The following MYCT1 variants were observed in gnomAD, a reference collection of about 807,000 sequenced individuals.
The protein encoded by MYCT1 is MYC target 1, also known as myc target protein 1.
A neutral mutation model predicts 15.0 loss-of-function variants in MYCT1; 12 were observed. That is an observed-to-expected ratio of 0.80 (90% CI 0.51 to 1.29). The LOEUF is 1.29. Ranked by LOEUF, MYCT1 falls within the 50% of genes most tolerant of loss-of-function variation. The probability of loss-of-function intolerance (pLI) is 0.00; values close to 1 mark genes in which losing one functional copy is unlikely to be tolerated. For missense variants in MYCT1, 287 were observed against 279.1 expected (o/e 1.03, Z -0.20); for synonymous variants, 104 against 102.7 (o/e 1.01, Z -0.07).
chr6:152,709,239 T>C (rs1420214234), intron 1 of MYCT1, among the ~76,000 whole-genome samples: 7 of 33,564 alleles, frequency 2.1e-4, no homozygotes, highest in African/African-American at 4.8e-4. Flanking sequence ...TGTGCCACAT[T>C]TTCTTAATCC....
intron 1 of MYCT1, among the ~76,000 whole-genome samples, chr6:152,707,944 C>G (rs1337299149): frequency 6.6e-6 from 1 of 151,922 alleles, no homozygotes; most frequent in Non-Finnish European, 1.5e-5. Context: ...ATGCTTCCAG[C>G]TTTGCTTTTA....
downstream of MYCT1, among the ~76,000 whole-genome samples, chr6:152,728,164 GAAAAAAAA>G (rs5881002): frequency 7.0e-6 from 1 of 143,478 alleles, no homozygotes; most frequent in Non-Finnish European, 1.5e-5. Context: ...CCTCTGTCTG[GAAAAAAAA>G]AAAAAAGGAA....
chr6:152,731,534 C>T, the MYCT1 span, among the ~76,000 whole-genome samples: 2 of 152,224 alleles, frequency 1.3e-5, no homozygotes, highest in South Asian at 4.1e-4. Context: ...CGCTATCCCA[C>T]GACAGGCCCT....
At chr6:152,708,695 CT>C (rs1350602531) in intron 1 of MYCT1, among the ~76,000 whole-genome samples, 2 of 151,874 alleles carry the variant, frequency 1.3e-5, no homozygotes, top group African/African-American at 4.8e-5. Context: ...GGAAAAGAGT[CT>C]TCTATATTTA....
chr6:152,721,630 G>A (rs1298663505), intron 1 of MYCT1, 112 bp from the exon 2 acceptor site: 3 of 1,004,956 alleles, frequency 3.0e-6, no homozygotes, highest in Non-Finnish European at 4.3e-6. Flanking sequence ...CTAATTCAAA[G>A]TATGTTTAAA....
chr6:152,725,096 G>A (rs186690335), downstream of MYCT1, among the ~76,000 whole-genome samples: 1 of 133,166 alleles, frequency 7.5e-6, no homozygotes, highest in South Asian at 2.3e-4. Context: ...AAATTACAAA[G>A]GAAAATATTA....
the MYCT1 span, among the ~76,000 whole-genome samples, chr6:152,740,033 G>T: frequency 6.6e-6 from 1 of 151,824 alleles, no homozygotes; most frequent in Non-Finnish European, 1.5e-5. Context: ...TATGTATATT[G>T]TTATTGTTAT....
At chr6:152,746,981 G>T in the MYCT1 span, among the ~76,000 whole-genome samples, 2 of 151,860 alleles carry the variant, frequency 1.3e-5, no homozygotes, top group East Asian at 3.8e-4. Flanking sequence ...TTTAGATTCC[G>T]AAATGAATTC....
At chr6:152,720,144 G>T (rs1469710967) in intron 1 of MYCT1, among the ~76,000 whole-genome samples, 1 of 151,774 alleles carries the variant, frequency 6.6e-6, no homozygotes, top group Non-Finnish European at 1.5e-5. Context: ...ATATGTCCAG[G>T]TTAGCAGGCT....
chr6:152,731,821 C>G, the MYCT1 span, among the ~76,000 whole-genome samples: 22 of 150,726 alleles, frequency 1.5e-4, no homozygotes, highest in Admixed American at 5.3e-4. Flanking sequence ...GATATCAGCT[C>G]GCTGCTACCT....
chr6:152,702,859 T>C (rs2099721570), intron 1 of MYCT1, among the ~76,000 whole-genome samples: 1 of 152,242 alleles, frequency 6.6e-6, no homozygotes, highest in South Asian at 2.1e-4. Flanking sequence ...TACAAATGCT[T>C]GTCTTCAAAA....
In MYCT1 at chr6:152,720,869, C is replaced by T. The variant is rs146089627; in HGVS notation, c.197-873C>T. 5.3e-3 allele frequency among the ~76,000 whole-genome samples: 812 copies of T among 152,184 alleles called. 4 individuals are homozygous for T. Among genetic ancestry groups the T allele is most frequent in the African/African-American group, 0.019 (787 of 41,518 alleles). ...TGCAAAGTGGTGTGGTGAGGGGAGA[C>T]TCAGTTACCTAGTTTCATTCAAGAA... On this transcript the variant is annotated intron_variant, in intron 1 of 1. Coordinates refer to ENST00000367245, the MANE Select transcript of MYCT1 (RefSeq NM_025107.3).
chr6:152,700,392 C>T (rs1030320554), intron 1 of MYCT1, among the ~76,000 whole-genome samples: 1 of 152,118 alleles, frequency 6.6e-6, no homozygotes, highest in Admixed American at 6.6e-5. Flanking sequence ...AGACGTAGCA[C>T]ACTTTAAGGT....
At chr6:152,720,714 G>C (rs1182940443) in intron 1 of MYCT1, among the ~76,000 whole-genome samples, 1 of 152,160 alleles carries the variant, frequency 6.6e-6, no homozygotes, top group Non-Finnish European at 1.5e-5. Flanking sequence ...CTTTGGTACA[G>C]TGAGAAACGA....
At chr6:152,708,389 C>A (rs1038616056) in intron 1 of MYCT1, among the ~76,000 whole-genome samples, 6 of 151,880 alleles carry the variant, frequency 4.0e-5, no homozygotes, top group African/African-American at 1.2e-4. Flanking sequence ...ATATAAAAAA[C>A]AAGCTAATAG....
chr6:152,741,396 C>T, the MYCT1 span, among the ~76,000 whole-genome samples: 1 of 152,006 alleles, frequency 6.6e-6, no homozygotes, highest in African/African-American at 2.4e-5. Flanking sequence ...CAAAAATAAA[C>T]ATCAAAAAAA....
intron 1 of MYCT1, among the ~76,000 whole-genome samples, chr6:152,714,742 G>T (rs9371632): frequency 6.6e-6 from 1 of 150,730 alleles, no homozygotes; most frequent in Non-Finnish European, 1.5e-5. Context: ...TTTAGTTTTT[G>T]TTTACTTTGT....
At chr6:152,719,991 T>C (rs1217989802) in intron 1 of MYCT1, among the ~76,000 whole-genome samples, 1 of 152,162 alleles carries the variant, frequency 6.6e-6, no homozygotes, top group Non-Finnish European at 1.5e-5. Context: ...CTTAAACTAA[T>C]AATAATTTGC....
intron 1 of MYCT1, 50 bp from the exon 2 acceptor site, chr6:152,721,692 T>C: frequency 6.5e-7 from 1 of 1,546,984 alleles, no homozygotes; most frequent in East Asian, 2.3e-5. Context: ...TTGTTTTTAG[T>C]TGAAAACCTA....
Sources: gnomAD v4.1 joint callset for allele counts (sites outside exome capture counted in the v4.1 genomes callset) on GRCh38, gnomAD v4.1.1 for gene constraint, MANE v1.5 for transcripts, NCBI Gene and HGNC (gene_info 2026-07-23, HGNC 2026-07-21) for gene names.